The following ACTL6A variants were observed in gnomAD, a reference collection of about 807,000 sequenced individuals.
ACTL6A encodes actin like 6A, also known as actin-like protein 6A.
ACTL6A carries 5 observed loss-of-function variants against 59.2 expected under a neutral mutation model. The ratio of observed to expected loss-of-function variants is 0.08; its 90% CI spans 0.04 to 0.18. The LOEUF (loss-of-function observed/expected upper bound fraction) is 0.18. ACTL6A is among the 10% of genes least tolerant of loss of function. The pLI is 1.00. For missense variants in ACTL6A, 285 were observed against 526.9 expected, an observed-to-expected ratio of 0.54 and a Z score of 4.49; for synonymous variants, 154 against 171.8, an observed-to-expected ratio of 0.90 and a Z score of 0.81.
At chr3:179,585,027 T>G (rs1718443472) in intron 12 of ACTL6A, among the ~76,000 whole-genome samples, 1 of 152,228 alleles carries the variant, frequency 6.6e-6, no homozygotes, top group Non-Finnish European at 1.5e-5. Context: ...TTGTATTTTC[T>G]AAATTCTTGG....
At chr3:179,565,816 TA>T (rs773085178) in intron 1 of ACTL6A, among the ~76,000 whole-genome samples, 1 of 152,194 alleles carries the variant, frequency 6.6e-6, no homozygotes, top group Admixed American at 6.5e-5. Context: ...ATTCACCCCC[TA>T]ATTTTTTTTG....
At chr3:179,574,251 G>A (rs1234609260) in intron 4 of ACTL6A, 119 bp from the exon 5 acceptor site, 1 of 500,692 alleles carries the variant, frequency 2.0e-6, no homozygotes, top group African/African-American at 1.9e-5. Context: ...ATTTCCCATG[G>A]TATTTTATTC....
At chr3:179,574,545 T>A in intron 5 of ACTL6A, 78 bp downstream of exon 5, 1 of 1,015,708 alleles carries the variant, frequency 9.8e-7, no homozygotes, top group South Asian at 1.4e-5. Context: ...GGAGAAGACA[T>A]ACGCCAATTA....
chr3:179,579,753 A>AT (rs1718279091), intron 8 of ACTL6A, among the ~76,000 whole-genome samples: 1 of 152,212 alleles, frequency 6.6e-6, no homozygotes, highest in Admixed American at 6.5e-5. Context: ...GTGCCACTGC[A>AT]TTCCAGCCTG....
chr3:179,588,093 T>A lies in ACTL6A; in HGVS notation c.*83T>A. 1 of 1,048,212 alleles carries A rather than the reference T, an allele frequency of 9.5e-7. No homozygotes were observed. The highest frequency in any genetic ancestry group is 1.3e-6 in the Non-Finnish European group (1 of 743,696). The allele number at this position is 1,048,212 out of a possible 1,614,324, so 64.9% of individuals were successfully genotyped here. A position where few individuals can be genotyped will look rare whatever the true frequency, so the allele number is the denominator to read the frequency against. ...ATACTCAGGAAAAGAATGACCATCT[T>A]TTGTAGAATGTTTATACATTTTTGC... On this transcript the variant is annotated 3_prime_UTR_variant, in exon 14 of 14. Coordinates refer to ENST00000429709, the MANE Select transcript of ACTL6A (RefSeq NM_004301.5).
At chr3:179,563,161 G>T in intron 1 of ACTL6A, 44 bp downstream of exon 1, 1 of 1,587,424 alleles carries the variant, frequency 6.3e-7, no homozygotes. Context: ...TTTTCGGCGT[G>T]TGGGGTTTGT....
At chr3:179,569,556 A>T (rs1413310731) in intron 1 of ACTL6A, among the ~76,000 whole-genome samples, 1 of 152,184 alleles carries the variant, frequency 6.6e-6, no homozygotes, top group African/African-American at 2.4e-5. Flanking sequence ...TATGAATATA[A>T]TTGGGCTGAG....
intron 13 of ACTL6A, 32 bp from the exon 14 acceptor site, chr3:179,587,898 C>T (rs1442735423): frequency 1.3e-6 from 2 of 1,559,494 alleles, no homozygotes. Flanking sequence ...AGAAGTAAGG[C>T]ATAATTATAT....
intron 1 of ACTL6A, 129 bp downstream of exon 1, chr3:179,563,246 C>T: frequency 7.1e-7 from 1 of 1,415,222 alleles, no homozygotes; most frequent in Non-Finnish European, 9.4e-7. Flanking sequence ...GCCTCCCCGC[C>T]CCGTCCCCGC....
intron 1 of ACTL6A, among the ~76,000 whole-genome samples, chr3:179,568,010 A>G (rs1391436951): frequency 6.6e-6 from 1 of 151,966 alleles, no homozygotes; most frequent in Non-Finnish European, 1.5e-5. Flanking sequence ...CATCTCTACT[A>G]AAAATACAAA....
chr3:179,572,551 A>T (rs904237451), intron 3 of ACTL6A, among the ~76,000 whole-genome samples: 5 of 152,298 alleles, frequency 3.3e-5, no homozygotes, highest in Non-Finnish European at 4.4e-5. Flanking sequence ...CACGCCTGTA[A>T]TCCCAGCACT....
chr3:179,567,426 A>G (rs1018579925), intron 1 of ACTL6A, among the ~76,000 whole-genome samples: 5 of 152,196 alleles, frequency 3.3e-5, no homozygotes, highest in South Asian at 4.1e-4. Flanking sequence ...GTACAGTCAC[A>G]TTCTGAGGTA....
chr3:179,572,127 A>G (rs949900882), intron 3 of ACTL6A, among the ~76,000 whole-genome samples: 7 of 152,240 alleles, frequency 4.6e-5, no homozygotes, highest in African/African-American at 1.7e-4. Flanking sequence ...AAATTGGAAC[A>G]TGAGAAGAGG....
chr3:179,587,235 T>C (rs1576861616), intron 13 of ACTL6A, among the ~76,000 whole-genome samples: 1 of 152,050 alleles, frequency 6.6e-6, no homozygotes, highest in East Asian at 1.9e-4. Context: ...ACAGTTTATA[T>C]ACATATATAT....
Position 179,570,852 on chromosome 3 carries a change from T to G in ACTL6A, c.277+611T>G, listed in dbSNP as rs1260468866. ...CCCAGGGTTGTATTAAGCTAGTGAC[T>G]GAAGGATAACCCCAAAGGAATTTAA... On this transcript the variant is annotated intron_variant, in intron 3 of 13. Coordinates refer to ENST00000429709, the MANE Select transcript of ACTL6A (RefSeq NM_004301.5). The surrounding 1 kb of genome is among the most constrained non-coding windows in gnomAD (Gnocchi z 4.3). 6.6e-6 allele frequency among the ~76,000 whole-genome samples: 1 copy of G among 152,094 alleles called. No individual in the cohort carries two copies. Among genetic ancestry groups the G allele is most frequent in the Non-Finnish European group, 1.5e-5 (1 of 68,016 alleles).
chr3:179,564,003 G>C (rs1576846081), intron 1 of ACTL6A, among the ~76,000 whole-genome samples: 1 of 152,258 alleles, frequency 6.6e-6, no homozygotes, highest in East Asian at 1.9e-4. Flanking sequence ...ATGGGGGTGG[G>C]CATGAAGGTT....
chr3:179,577,583 TC>T (rs1718205378), intron 8 of ACTL6A, among the ~76,000 whole-genome samples: 1 of 152,104 alleles, frequency 6.6e-6, no homozygotes, highest in Non-Finnish European at 1.5e-5. Flanking sequence ...CAGATTATTG[TC>T]CCCCAGGTAC....
rs142855774 is a variant in ACTL6A, at chr3:179,567,829, C to T, written c.26-1995C>T. Among the ~76,000 whole-genome samples the T allele has an allele frequency of 1.4e-4, 21 of 152,160 alleles. No homozygotes were observed. In the East Asian group the frequency reaches 3.7e-3, roughly 27 times the overall value. On this transcript the variant is annotated intron_variant, in intron 1 of 13. Transcript: ENST00000429709. ...ATTATCTTGAGAAATGTAACAAATA[C>T]GTAAACTTTCTTTTATATTAGAAAT...
At chr3:179,569,544 A>G (rs77530936) in intron 1 of ACTL6A, among the ~76,000 whole-genome samples, 3,405 of 152,298 alleles carry the variant, frequency 0.022, 135 homozygotes, top group African/African-American at 0.079. Flanking sequence ...AGTGAGTAAT[A>G]ATATGAATAT....
Sources: allele counts gnomAD v4.1 joint callset (sites outside exome capture counted in the v4.1 genomes callset), GRCh38; gene constraint gnomAD v4.1.1; non-coding constraint Gnocchi (gnomAD v3.1); transcripts MANE v1.5; gene names NCBI Gene and HGNC (gene_info 2026-07-23, HGNC 2026-07-21).